PCSK1: variants seen among roughly 807,000 people sequenced by gnomAD.
PCSK1 encodes the protein proprotein convertase subtilisin/kexin type 1.
A neutral mutation model predicts 90.6 loss-of-function variants in PCSK1; 56 were observed. That is an observed-to-expected ratio of 0.62 (90% confidence interval 0.50 to 0.77). The LOEUF is 0.77. Ranked by LOEUF, PCSK1 falls within the 30% of genes least tolerant of loss-of-function variation. PCSK1 has a pLI of 0.00. For missense variants in PCSK1, 801 were observed against 932.6 expected (o/e 0.86, Z 1.84); for synonymous variants, 348 against 342.4 (o/e 1.02, Z -0.18).
chr5:96,428,742 T>C (rs548876196), intron 2 of PCSK1, among the ~76,000 whole-genome samples: 1 of 152,320 alleles, frequency 6.6e-6, no homozygotes, highest in East Asian at 1.9e-4. Flanking sequence ...TAGACTTTTT[T>C]TTCAGTTATA....
chr5:96,393,058 C>T lies in PCSK1; in HGVS notation c.2205G>A (p.Lys735=), dbSNP rs1392160966. 1 of 1,614,060 alleles carries T rather than the reference C, an allele frequency of 6.2e-7. No individual in the cohort carries two copies. The highest frequency in any genetic ancestry group is 1.7e-5 in the Admixed American group (1 of 60,028). The change falls in exon 14 of 14, where the codon AAG becomes AAA. Residue 735 remains lysine (K), a synonymous_variant. Transcript: ENST00000311106. ...VDVFYNTKPY[K]HRDDRLLQAL... is the part of the protein sequence containing the mutation. ...CTTGAAGCAGCCGGTCGTCTCTGTG[C>T]TTGTAAGGTTTAGTGTTATAAAAAA...
At position 96,392,970 on chromosome 5, in the gene PCSK1, A is replaced by G. The variant is rs1240298354; in HGVS notation, c.*31T>C. 6.2e-7 allele frequency: 1 copy of G among 1,612,088 alleles called. No individual in the cohort carries two copies. Among genetic ancestry groups the G allele is most frequent in the Admixed American group, 1.7e-5 (1 of 60,026 alleles). On this transcript the variant is annotated 3_prime_UTR_variant, in exon 14 of 14. Coordinates refer to ENST00000311106, the MANE Select transcript of PCSK1 (RefSeq NM_000439.5). ...AATCGCAGGGTAAGGAAGAAGCATG[A>G]ATATTTCCAACTTGGGACCACACAC...
chr5:96,401,700 T>C (rs932103172), intron 9 of PCSK1, among the ~76,000 whole-genome samples: 3 of 152,324 alleles, frequency 2.0e-5, no homozygotes, highest in African/African-American at 4.8e-5. Context: ...ATTGCACTTA[T>C]AGGCTTCTAA....
In PCSK1 at chr5:96,425,044, G is replaced by GAAAGAAAGAAAA. The variant is rs1190586143; in HGVS notation, c.396+775_396+776insTTTTCTTTCTTT. On this transcript the variant is annotated intron_variant, in intron 3 of 13. Coordinates refer to ENST00000311106, the MANE Select transcript of PCSK1 (RefSeq NM_000439.5). ...AGAAAGAAAGAAAGAAAGAAAGAAA[G>GAAAGAAAGAAAA]AAAGAAAGAAAGAAAGAAAGAAAGA... Among the ~76,000 whole-genome samples the GAAAGAAAGAAAA allele has an allele frequency of 5.7e-4, 72 of 127,182 alleles. 1 individual carries two copies. The highest frequency in any genetic ancestry group is 1.8e-3 in the African/African-American group (66 of 36,734). The allele number at this position is 127,182 out of a possible 152,430, so 83.4% of individuals were successfully genotyped here. A position where few individuals can be genotyped will look rare whatever the true frequency, so the allele number is the denominator to read the frequency against.
chr5:96,394,469 G>A (rs888724635), intron 13 of PCSK1, among the ~76,000 whole-genome samples: 12 of 152,168 alleles, frequency 7.9e-5, no homozygotes, highest in Admixed American at 3.9e-4. Flanking sequence ...ATGGATACAC[G>A]AATGTCTATC....
intron 6 of PCSK1, among the ~76,000 whole-genome samples, chr5:96,413,963 C>CA (rs61316405): frequency 0.15 from 3,442 of 22,396 alleles, 163 homozygotes; most frequent in East Asian, 0.17. Flanking sequence ...ACTAAAAATA[C>CA]AAAAAAAAAA....
At position 96,410,814 on chromosome 5, in the gene PCSK1, G is replaced by A; in HGVS notation, c.1055C>T (p.Ala352Val). The change falls in exon 8 of 14, where the codon GCC (alanine) becomes GTC (valine). Residue 352 changes from alanine (A) to valine (V), a missense_variant. Physicochemically the swap from Ala to Val is moderately conservative, Grantham distance 64. Transcript: ENST00000311106. ...GTAATCTCCGCTGCTGTAAGAGGTG[G>A]CCAGTGTGGAGGAGCACTTCTCAGC... ...WYAEKCSSTLATSYSSGDYTD... is the reference protein window; with the variant it reads ...WYAEKCSSTLVTSYSSGDYTD... 2.5e-6 allele frequency: 4 copies of A among 1,614,108 alleles called. No homozygotes were observed. Among genetic ancestry groups the A allele is most frequent in the Non-Finnish European group, 3.4e-6 (4 of 1,179,972 alleles).
intron 9 of PCSK1, among the ~76,000 whole-genome samples, chr5:96,407,756 T>C (rs1760622326): frequency 6.6e-6 from 1 of 152,254 alleles, no homozygotes; most frequent in African/African-American, 2.4e-5. Context: ...GATGTGGTTA[T>C]ATCAGCTCCA....
chr5:96,404,627 C>T (rs546510134), intron 9 of PCSK1, among the ~76,000 whole-genome samples: 6 of 152,084 alleles, frequency 3.9e-5, no homozygotes, highest in African/African-American at 1.2e-4. Context: ...CTCAATCTTC[C>T]GAACCCTCCT....
intron 5 of PCSK1, among the ~76,000 whole-genome samples, chr5:96,420,981 T>C (rs1761109675): frequency 6.6e-6 from 1 of 152,214 alleles, no homozygotes; most frequent in South Asian, 2.1e-4. Context: ...TTTGATCATT[T>C]TGGTGCAAGT....
chr5:96,408,574 A>G (rs1339737796), intron 8 of PCSK1, among the ~76,000 whole-genome samples: 4 of 152,222 alleles, frequency 2.6e-5, no homozygotes, highest in African/African-American at 9.7e-5. Context: ...TACTCCCACT[A>G]CGAATATTTT....
chr5:96,404,104 G>A (rs1760475856), intron 9 of PCSK1, among the ~76,000 whole-genome samples: 1 of 152,124 alleles, frequency 6.6e-6, no homozygotes, highest in Non-Finnish European at 1.5e-5. Flanking sequence ...ATTTATGCAA[G>A]GAATTCCTTC....
At chr5:96,427,205 C>G (rs1354282387) in intron 2 of PCSK1, among the ~76,000 whole-genome samples, 1 of 152,036 alleles carries the variant, frequency 6.6e-6, no homozygotes, top group Admixed American at 6.6e-5. Context: ...AAATGAAAAC[C>G]AAGAGCAATT....
chr5:96,412,260 C>T, intron 7 of PCSK1, 58 bp downstream of exon 7: 1 of 727,796 alleles, frequency 1.4e-6, no homozygotes, highest in Non-Finnish European at 2.0e-6. Context: ...TTCTTTCCTT[C>T]TCCTCATATC....
intron 9 of PCSK1, among the ~76,000 whole-genome samples, chr5:96,404,116 T>G (rs1760476247): frequency 6.6e-6 from 1 of 152,188 alleles, no homozygotes; most frequent in South Asian, 2.1e-4. Context: ...AATTCCTTCT[T>G]CTCTTAGTAT....
At chr5:96,418,711 G>A (rs1250307105) in intron 5 of PCSK1, among the ~76,000 whole-genome samples, 1 of 152,186 alleles carries the variant, frequency 6.6e-6, no homozygotes, top group Admixed American at 6.5e-5. Context: ...AGGGCTTTAT[G>A]TCTGACAACA....
rs1195779503 is a variant in PCSK1, at chr5:96,419,328, A to AT, written c.620+2551_620+2552insA. 9.8e-4 allele frequency among the ~76,000 whole-genome samples: 140 copies of AT among 142,306 alleles called. 1 individual carries two copies. The highest frequency in any genetic ancestry group is 3.6e-3 in the Middle Eastern group (1 of 276). The allele number at this position is 142,306 out of a possible 152,430, so 93.4% of individuals were successfully genotyped here. A position where few individuals can be genotyped will look rare whatever the true frequency, so the allele number is the denominator to read the frequency against. On this transcript the variant is annotated intron_variant, in intron 5 of 13. Coordinates refer to ENST00000311106, the MANE Select transcript of PCSK1 (RefSeq NM_000439.5). ...TAAGTGAGATATATATATATATATA[A>AT]AACCTCACTTTAACCCCTAACTCAA...
intron 2 of PCSK1, among the ~76,000 whole-genome samples, chr5:96,428,212 G>A (rs576001904): frequency 1.3e-4 from 19 of 151,938 alleles, no homozygotes; most frequent in South Asian, 1.0e-3. Flanking sequence ...CATGAATTTC[G>A]TCTACTTTCA....
chr5:96,411,019 TATC>T, intron 7 of PCSK1, 33 bp from the exon 8 acceptor site: 1 of 1,450,360 alleles, frequency 6.9e-7, no homozygotes, highest in East Asian at 2.3e-5. Flanking sequence ...TATTATCTGT[TATC>T]ATCTATTGGG....
Sources: allele counts gnomAD v4.1 joint callset (sites outside exome capture counted in the v4.1 genomes callset), GRCh38; gene constraint gnomAD v4.1.1; transcripts MANE v1.5; gene names NCBI Gene and HGNC (gene_info 2026-07-23, HGNC 2026-07-21).